The following NALF1 variants were observed in gnomAD, a reference collection of about 807,000 sequenced individuals.
The protein encoded by NALF1 is NALCN channel auxiliary factor 1.
NALF1 carries 3 observed loss-of-function variants against 48.4 expected under a neutral mutation model. The observed-to-expected ratio is 0.06, with a 90% CI of 0.03 to 0.16. The LOEUF is 0.16. NALF1 is among the 10% of genes least tolerant of loss of function. The probability of loss-of-function intolerance (pLI) is 1.00; values close to 1 mark genes in which losing one functional copy is unlikely to be tolerated. For missense variants in NALF1, 526 were observed against 571.5 expected (o/e 0.92, Z 0.81); for synonymous variants, 262 against 245.7 (o/e 1.07, Z -0.62).
intron 1 of NALF1, among the ~76,000 whole-genome samples, chr13:107,552,470 G>A (rs570008219): frequency 4.5e-4 from 69 of 152,196 alleles, no homozygotes; most frequent in Non-Finnish European, 8.1e-4. Context: ...TTCTTTACAG[G>A]GGAGAATGTG....
At chr13:107,860,136 A>C (rs1408080073) in intron 1 of NALF1, among the ~76,000 whole-genome samples, 1 of 152,098 alleles carries the variant, frequency 6.6e-6, no homozygotes, top group Non-Finnish European at 1.5e-5. Context: ...AACCTTAAAC[A>C]GTCAAAACTC....
intron 1 of NALF1, among the ~76,000 whole-genome samples, chr13:107,712,804 T>C (rs1176154830): frequency 2.0e-5 from 3 of 152,206 alleles, no homozygotes; most frequent in Non-Finnish European, 4.4e-5. Flanking sequence ...GCTTTTCAAA[T>C]TGTTGCCTCA....
At chr13:107,721,714 A>T (rs1594227808) in intron 1 of NALF1, among the ~76,000 whole-genome samples, 1 of 152,034 alleles carries the variant, frequency 6.6e-6, no homozygotes, top group East Asian at 1.9e-4. Context: ...CGCTGGGGAG[A>T]TCCCCCATTT....
At chr13:107,704,355 T>G (rs536362161) in intron 1 of NALF1, among the ~76,000 whole-genome samples, 1 of 152,220 alleles carries the variant, frequency 6.6e-6, no homozygotes, top group African/African-American at 2.4e-5. Flanking sequence ...AATCATTAGA[T>G]CTAAGACTTC....
intron 1 of NALF1, among the ~76,000 whole-genome samples, chr13:107,313,716 A>G (rs1319595493): frequency 6.6e-6 from 1 of 152,186 alleles, no homozygotes; most frequent in Non-Finnish European, 1.5e-5. Flanking sequence ...ATAAGTGACT[A>G]TTCCTCTATC....
At chr13:107,580,937 C>G (rs1456207382) in intron 1 of NALF1, among the ~76,000 whole-genome samples, 1 of 152,086 alleles carries the variant, frequency 6.6e-6, no homozygotes, top group Non-Finnish European at 1.5e-5. Context: ...AAACACTGCC[C>G]TTGTCGGTGC....
At chr13:107,596,844 T>A (rs889413991) in intron 1 of NALF1, among the ~76,000 whole-genome samples, 15 of 152,076 alleles carry the variant, frequency 9.9e-5, no homozygotes, top group Admixed American at 3.3e-4. Flanking sequence ...GAAAAGACAA[T>A]TTTCATTCGT....
At position 107,358,547 on chromosome 13, in the gene NALF1, C is replaced by T. The variant is rs183127885; in HGVS notation, c.916-147792G>A. 9.2e-5 allele frequency among the ~76,000 whole-genome samples: 14 copies of T among 152,254 alleles called. No homozygotes were observed. In the East Asian group the frequency reaches 2.7e-3, roughly 29 times the overall value. ...GTGAAGCAAATAGAACTGTTTGGAACACTAGGCCTCATTGTGTAAGACGGG... is the reference window on the plus strand; with the variant it reads ...GTGAAGCAAATAGAACTGTTTGGAATACTAGGCCTCATTGTGTAAGACGGG... On this transcript the variant is annotated intron_variant, in intron 1 of 2. Coordinates refer to ENST00000375915, the MANE Select transcript of NALF1 (RefSeq NM_001080396.3).
At chr13:107,265,701 T>C (rs1041671411) in intron 1 of NALF1, among the ~76,000 whole-genome samples, 1 of 152,118 alleles carries the variant, frequency 6.6e-6, no homozygotes, top group Non-Finnish European at 1.5e-5. Context: ...CCACCATGCC[T>C]GGCCTACTTT....
At chr13:107,339,261 C>T (rs1302110792) in intron 1 of NALF1, among the ~76,000 whole-genome samples, 1 of 151,634 alleles carries the variant, frequency 6.6e-6, no homozygotes, top group Non-Finnish European at 1.5e-5. Flanking sequence ...TGGTTGTTAG[C>T]TTTGAGACTT....
chr13:107,707,059 A>G (rs1330234309), intron 1 of NALF1, among the ~76,000 whole-genome samples: 1 of 147,774 alleles, frequency 6.8e-6, no homozygotes, highest in Non-Finnish European at 1.5e-5. Context: ...AGTAGCTGGG[A>G]CTACAGGCGC....
At chr13:107,520,968 T>C (rs1173628707) in intron 1 of NALF1, among the ~76,000 whole-genome samples, 8 of 152,196 alleles carry the variant, frequency 5.3e-5, no homozygotes, top group African/African-American at 1.4e-4. Flanking sequence ...CAGTGATCTA[T>C]GCTTTACACT....
intron 1 of NALF1, among the ~76,000 whole-genome samples, chr13:107,575,465 CT>C (rs1566399697): frequency 1.3e-5 from 2 of 152,138 alleles, no homozygotes; most frequent in South Asian, 2.1e-4. Flanking sequence ...CAGAGAGTCC[CT>C]GACCTGGTTC....
At chr13:107,425,639 T>C (rs990735799) in intron 1 of NALF1, among the ~76,000 whole-genome samples, 3 of 152,144 alleles carry the variant, frequency 2.0e-5, no homozygotes, top group Non-Finnish European at 4.4e-5. Context: ...ATTGAATATA[T>C]ATGTACTAAG....
intron 1 of NALF1, among the ~76,000 whole-genome samples, chr13:107,376,910 T>C (rs189876543): frequency 3.2e-4 from 48 of 152,276 alleles, no homozygotes; most frequent in Middle Eastern, 3.4e-3. Context: ...GTCCAACAAT[T>C]GTTCTGTGAT....
chr13:107,705,229 T>TA (rs1881918384), intron 1 of NALF1, among the ~76,000 whole-genome samples: 1 of 152,198 alleles, frequency 6.6e-6, no homozygotes, highest in Non-Finnish European at 1.5e-5. Context: ...AAGAAGTTGA[T>TA]ACTATTAACT....
intron 1 of NALF1, among the ~76,000 whole-genome samples, chr13:107,294,913 T>C (rs1012389093): frequency 2.6e-5 from 4 of 152,334 alleles, no homozygotes; most frequent in Middle Eastern, 3.4e-3. Flanking sequence ...AGAAAGAATA[T>C]TGGAAATGAG....
chr13:107,271,553 C>A (rs1057198558), intron 1 of NALF1, among the ~76,000 whole-genome samples: 1 of 143,070 alleles, frequency 7.0e-6, no homozygotes, highest in African/African-American at 2.5e-5. Context: ...TGGCTGAGAC[C>A]CTGAGCTGAG....
intron 1 of NALF1, among the ~76,000 whole-genome samples, chr13:107,811,235 T>C (rs1035704611): frequency 9.2e-5 from 14 of 152,160 alleles, no homozygotes; most frequent in African/African-American, 2.7e-4. Context: ...TACTGAAACA[T>C]AGTGTACAAT....
Sources: gnomAD v4.1 joint callset for allele counts (sites outside exome capture counted in the v4.1 genomes callset) on GRCh38, gnomAD v4.1.1 for gene constraint, MANE v1.5 for transcripts, NCBI Gene and HGNC (gene_info 2026-07-23, HGNC 2026-07-21) for gene names.